The following STRN variants were observed in gnomAD, a reference collection of about 807,000 sequenced individuals.
STRN encodes protein phosphatase 2 regulatory subunit B'''alpha.
STRN carries 53 observed loss-of-function variants against 96.3 expected under a neutral mutation model. That is an observed-to-expected ratio of 0.55 (90% CI 0.44 to 0.69). STRN has a LOEUF of 0.69. Ranked by LOEUF, STRN falls within the 30% of genes least tolerant of loss-of-function variation. The pLI, the probability that STRN is intolerant of heterozygous loss-of-function variation, is 0.00. For missense variants in STRN, 987 were observed against 963.9 expected, an observed-to-expected ratio of 1.02 and a Z score of -0.32; for synonymous variants, 428 against 355.9, an observed-to-expected ratio of 1.20 and a Z score of -2.28.
At chr2:36,922,438 G>A (rs1203199794) in intron 2 of STRN, among the ~76,000 whole-genome samples, 3 of 149,322 alleles carry the variant, frequency 2.0e-5, no homozygotes, top group African/African-American at 7.4e-5. Context: ...AGGATCACTT[G>A]TGCCCAGAAG....
intron 1 of STRN, among the ~76,000 whole-genome samples, chr2:36,928,562 G>A (rs1050921868): frequency 6.6e-6 from 1 of 151,536 alleles, no homozygotes; most frequent in African/African-American, 2.4e-5. Flanking sequence ...TGAGACAGAA[G>A]AATCACTCAA....
At chr2:36,924,066 A>AG (rs1670333540) in intron 2 of STRN, among the ~76,000 whole-genome samples, 1 of 152,092 alleles carries the variant, frequency 6.6e-6, no homozygotes, top group Non-Finnish European at 1.5e-5. Context: ...ACACAAAAAA[A>AG]AGTCTATAGG....
rs1181319882 is a variant in STRN at position 36,839,057 on chromosome 2, G to A, written c.*10399C>T. On this transcript the variant is annotated 3_prime_UTR_variant, in exon 18 of 18. Transcript: ENST00000263918. ...AATAAAACCCCATATGTAATAACTG[G>A]GTATACACATTTGTATGAATAATTA... is the stretch of plus-strand genomic sequence containing the variant. 6.6e-6 allele frequency among the ~76,000 whole-genome samples: 1 copy of A among 152,106 alleles called. No homozygotes were observed. Among genetic ancestry groups the A allele is most frequent in the African/African-American group, 2.4e-5 (1 of 41,408 alleles).
intron 3 of STRN, among the ~76,000 whole-genome samples, chr2:36,906,949 C>A (rs79579364): frequency 0.48 from 72,244 of 150,950 alleles, 17,328 homozygotes; most frequent in East Asian, 0.54. Context: ...CAAAAAAAAA[C>A]CCTCAAGTAT....
chr2:36,878,524 A>G (rs1316980223), intron 9 of STRN, among the ~76,000 whole-genome samples: 1 of 152,136 alleles, frequency 6.6e-6, no homozygotes, highest in Non-Finnish European at 1.5e-5. Context: ...GTTATAAGTC[A>G]GGATTACCTC....
chr2:36,918,090 T>C (rs1670157189), intron 2 of STRN, among the ~76,000 whole-genome samples: 1 of 152,248 alleles, frequency 6.6e-6, no homozygotes, highest in East Asian at 1.9e-4. Flanking sequence ...AGATACTTAA[T>C]TTTTAGTAAA....
At chr2:36,897,618 T>C (rs965772877) in intron 6 of STRN, among the ~76,000 whole-genome samples, 4 of 151,702 alleles carry the variant, frequency 2.6e-5, no homozygotes, top group African/African-American at 9.7e-5. Context: ...TTTGTATTTT[T>C]AGTAGAGACA....
chr2:36,920,974 C>CT (rs372650218), intron 2 of STRN, among the ~76,000 whole-genome samples: 3 of 151,932 alleles, frequency 2.0e-5, no homozygotes, highest in African/African-American at 7.2e-5. Flanking sequence ...ACTCAGGAGA[C>CT]TGAGGCAAGA....
chr2:36,888,348 A>C (rs1366299843), intron 7 of STRN, among the ~76,000 whole-genome samples: 1 of 152,172 alleles, frequency 6.6e-6, no homozygotes, highest in African/African-American at 2.4e-5. Context: ...CTTCTTGCTC[A>C]AATCCCTCCC....
intron 7 of STRN, among the ~76,000 whole-genome samples, chr2:36,889,100 T>C (rs1329929619): frequency 2.0e-5 from 3 of 152,202 alleles, no homozygotes; most frequent in Non-Finnish European, 4.4e-5. Context: ...CCTTCTGACA[T>C]ACTATATCCT....
intron 3 of STRN, among the ~76,000 whole-genome samples, chr2:36,907,650 C>A (rs1159220208): frequency 1.3e-5 from 2 of 152,132 alleles, no homozygotes; most frequent in Admixed American, 1.3e-4. Context: ...TACTTAGCCT[C>A]ATTTTAAAGA....
intron 1 of STRN, among the ~76,000 whole-genome samples, chr2:36,950,398 T>C (rs1031938851): frequency 2.0e-5 from 3 of 152,054 alleles, no homozygotes; most frequent in Admixed American, 2.0e-4. Flanking sequence ...GTATTTTTAG[T>C]AGAGATGAGG....
chr2:36,934,344 A>G (rs1670649047), intron 1 of STRN, among the ~76,000 whole-genome samples: 1 of 152,230 alleles, frequency 6.6e-6, no homozygotes, highest in South Asian at 2.1e-4. Context: ...ATTAACTTGT[A>G]GAATATGCGT....
intron 1 of STRN, among the ~76,000 whole-genome samples, chr2:36,945,337 A>G (rs1053378800): frequency 2.0e-5 from 3 of 152,184 alleles, no homozygotes; most frequent in Non-Finnish European, 4.4e-5. Context: ...CCTGAGTTCA[A>G]AATAACATTA....
chr2:36,878,335 G>T (rs1006303355), intron 9 of STRN, among the ~76,000 whole-genome samples: 4 of 152,176 alleles, frequency 2.6e-5, no homozygotes, highest in South Asian at 2.1e-4. Context: ...TTCCTCATTT[G>T]ATATTTCATG....
At chr2:36,895,756 CAAAAAA>C (rs55863837) in intron 6 of STRN, among the ~76,000 whole-genome samples, 4 of 130,912 alleles carry the variant, frequency 3.1e-5, no homozygotes, top group South Asian at 2.4e-4. Context: ...ACTAAAAATA[CAAAAAA>C]AAAAAAAAAA....
In STRN at chr2:36,876,133, G is replaced by A. The variant is rs79418352; in HGVS notation, c.1323+1758C>T. 1.1e-3 allele frequency among the ~76,000 whole-genome samples: 162 copies of A among 151,980 alleles called. 1 individual carries two copies. The East Asian group carries it at 0.026, about 24-fold the overall frequency. ...AAAATAAAGGAAAGTACCTGGGTGT[G>A]ATGGTGCGTGCCTATGGTCCCAGCT... On this transcript the variant is annotated intron_variant, in intron 10 of 17. Transcript: ENST00000263918.
intron 12 of STRN, among the ~76,000 whole-genome samples, chr2:36,864,557 T>C (rs1178768760): frequency 6.6e-6 from 1 of 152,170 alleles, no homozygotes; most frequent in African/African-American, 2.4e-5. Flanking sequence ...TTTTCTCTGC[T>C]AGTAATTGGT....
intron 1 of STRN, among the ~76,000 whole-genome samples, chr2:36,938,339 T>C (rs1369967534): frequency 1.3e-5 from 2 of 151,832 alleles, no homozygotes; most frequent in East Asian, 1.9e-4. Flanking sequence ...GGCACAAGAA[T>C]TGCTTGAATC....
Sources: gnomAD v4.1 joint callset for allele counts (sites outside exome capture counted in the v4.1 genomes callset) on GRCh38, gnomAD v4.1.1 for gene constraint, MANE v1.5 for transcripts, NCBI Gene and HGNC (gene_info 2026-07-23, HGNC 2026-07-21) for gene names.